The following SGCD variants were observed in gnomAD, a reference collection of about 807,000 sequenced individuals.
The protein encoded by SGCD is delta-sarcoglycan.
In SGCD, 18 loss-of-function variants were observed where a neutral mutation model predicts 36.6. The ratio of observed to expected loss-of-function variants is 0.49; its 90% CI spans 0.34 to 0.73. The LOEUF is 0.73. Ranked by LOEUF, SGCD falls within the 30% of genes least tolerant of loss-of-function variation. The pLI is 0.01. For synonymous variants in SGCD, 133 were observed against 130.6 expected (o/e 1.02, Z -0.12); for missense variants, 387 against 346.7 (o/e 1.12, Z -0.92).
intron 1 of SGCD, among the ~76,000 whole-genome samples, chr5:155,909,469 G>T (rs4547913): frequency 0.33 from 49,686 of 151,922 alleles, 8,717 homozygotes; most frequent in Admixed American, 0.48. Context: ...GAGAGCATGC[G>T]CGGGTTATTG....
intron 3 of SGCD, among the ~76,000 whole-genome samples, chr5:156,401,242 A>T (rs1021860027): frequency 6.6e-6 from 1 of 152,212 alleles, no homozygotes; most frequent in African/African-American, 2.4e-5. Context: ...AAAGCAAAGA[A>T]TATGTATTTT....
intron 7 of SGCD, among the ~76,000 whole-genome samples, chr5:156,651,651 T>C (rs1763466699): frequency 6.6e-6 from 1 of 152,162 alleles, no homozygotes; most frequent in Non-Finnish European, 1.5e-5. Flanking sequence ...GTTCCATTGG[T>C]CTACATGTCT....
intron 1 of SGCD, among the ~76,000 whole-genome samples, chr5:156,094,381 C>T (rs535561384): frequency 1.1e-4 from 17 of 152,264 alleles, no homozygotes; most frequent in Non-Finnish European, 2.1e-4. Flanking sequence ...AATTTTCGTT[C>T]GGTCTTTCTG....
intron 3 of SGCD, among the ~76,000 whole-genome samples, chr5:156,372,609 A>G (rs1347734997): frequency 6.6e-6 from 1 of 152,164 alleles, no homozygotes; most frequent in Non-Finnish European, 1.5e-5. Context: ...ATCTTCCTCC[A>G]TCAACCAAAA....
chr5:156,276,930 G>A (rs10061360), intron 3 of SGCD, among the ~76,000 whole-genome samples: 8,716 of 152,048 alleles, frequency 0.057, 762 homozygotes, highest in African/African-American at 0.18. Flanking sequence ...ACCACAAAAT[G>A]ATGAGCATCC....
At position 156,763,336 on chromosome 5, in the gene SGCD, G is replaced by A. The variant is rs186504263; in HGVS notation, c.*3946G>A. 2.0e-5 allele frequency: 3 copies of A among 152,660 alleles called. No homozygotes were observed. Among genetic ancestry groups the A allele is most frequent in the East Asian group, 1.9e-4 (1 of 5,178 alleles). 9.5% of individuals were successfully genotyped at this position (152,660 alleles called of 1,614,324 possible). On this transcript the variant is annotated 3_prime_UTR_variant, in exon 9 of 9. Coordinates refer to ENST00000337851, the MANE Select transcript of SGCD (RefSeq NM_000337.6). ...AACATGTCTGTTTAGCCCACATCAC[G>A]TCAGTTATCAACACCGCCACTGTGC...
intron 3 of SGCD, among the ~76,000 whole-genome samples, chr5:156,285,892 A>G (rs959761834): frequency 5.3e-5 from 8 of 152,218 alleles, no homozygotes; most frequent in African/African-American, 1.9e-4. Flanking sequence ...CAGGCAACCT[A>G]CAAAATGGGA....
intron 1 of SGCD, among the ~76,000 whole-genome samples, chr5:155,958,390 A>G (rs908393301): frequency 5.9e-5 from 9 of 152,100 alleles, no homozygotes; most frequent in Non-Finnish European, 1.0e-4. Flanking sequence ...GAAATGCCCA[A>G]GGTTCCTCAG....
intron 1 of SGCD, among the ~76,000 whole-genome samples, chr5:156,061,474 T>G (rs940357316): frequency 2.7e-5 from 4 of 146,284 alleles, no homozygotes; most frequent in Non-Finnish European, 4.6e-5. Flanking sequence ...ACTGGTATCC[T>G]GAAAACCAGG....
chr5:156,642,937 T>C (rs764560441), intron 6 of SGCD, among the ~76,000 whole-genome samples: 2 of 152,160 alleles, frequency 1.3e-5, no homozygotes, highest in African/African-American at 2.4e-5. Context: ...TCAAGTTTTA[T>C]ACTTTCAAAG....
At chr5:156,223,596 T>A (rs1326879510) in intron 3 of SGCD, among the ~76,000 whole-genome samples, 3 of 152,032 alleles carry the variant, frequency 2.0e-5, no homozygotes, top group Non-Finnish European at 4.4e-5. Context: ...GTGAGGTAGG[T>A]CCATGGGAAA....
chr5:156,025,255 C>G (rs1759201960), intron 1 of SGCD, among the ~76,000 whole-genome samples: 1 of 152,168 alleles, frequency 6.6e-6, no homozygotes, highest in Admixed American at 6.5e-5. Context: ...GGAGGTCACA[C>G]AGAAGCTTTC....
intron 7 of SGCD, among the ~76,000 whole-genome samples, chr5:156,651,783 G>A (rs1028984220): frequency 1.3e-5 from 2 of 151,678 alleles, no homozygotes; most frequent in Admixed American, 1.3e-4. Flanking sequence ...CTCTTTTTTG[G>A]TTCCATATGA....
intron 1 of SGCD, among the ~76,000 whole-genome samples, chr5:155,983,182 G>C (rs189095547): frequency 6.6e-6 from 1 of 152,164 alleles, no homozygotes; most frequent in East Asian, 1.9e-4. Flanking sequence ...TGTATAACAG[G>C]CACTGTAGAA....
chr5:156,583,962 A>G (rs1760387640), intron 4 of SGCD, among the ~76,000 whole-genome samples: 1 of 152,244 alleles, frequency 6.6e-6, no homozygotes, highest in Non-Finnish European at 1.5e-5. Flanking sequence ...TATGAAAAGT[A>G]AAACTCAAAT....
At chr5:155,831,053 G>A in the SGCD span, among the ~76,000 whole-genome samples, 1 of 152,138 alleles carries the variant, frequency 6.6e-6, no homozygotes, top group Non-Finnish European at 1.5e-5. Context: ...AAGCCTATAA[G>A]GTTGTGCAGA....
chr5:156,761,137 A>G lies in SGCD; in HGVS notation c.*1747A>G, dbSNP rs1430246476. On this transcript the variant is annotated 3_prime_UTR_variant, in exon 9 of 9. Coordinates refer to ENST00000337851, the MANE Select transcript of SGCD (RefSeq NM_000337.6). Reference sequence around the variant, plus strand: ...AGGGAAGTTTTGTGATAGGAGAGAAATAAAAGATTTGATATTTTTTGAGAT... The same window carrying G: ...AGGGAAGTTTTGTGATAGGAGAGAAGTAAAAGATTTGATATTTTTTGAGAT... 2 of 152,224 alleles carry G rather than the reference A, an allele frequency of 1.3e-5. No individual in the cohort carries two copies. Among genetic ancestry groups the G allele is most frequent in the African/African-American group, 2.4e-5 (1 of 41,454 alleles). The allele number at this position is 152,224 out of a possible 1,614,324, so 9.4% of individuals were successfully genotyped here.
chr5:155,912,531 C>T (rs975456322), intron 1 of SGCD, among the ~76,000 whole-genome samples: 7 of 152,138 alleles, frequency 4.6e-5, no homozygotes, highest in Non-Finnish European at 7.3e-5. Flanking sequence ...CAGTCTGCTC[C>T]GTGTGCGGCA....
chr5:156,726,442 A>G (rs573723172), intron 7 of SGCD, among the ~76,000 whole-genome samples: 3 of 152,302 alleles, frequency 2.0e-5, no homozygotes, highest in Admixed American at 6.5e-5. Context: ...ACACTCTGCA[A>G]TCTTCTCTAT....
Sources: allele counts gnomAD v4.1 joint callset (sites outside exome capture counted in the v4.1 genomes callset), GRCh38; gene constraint gnomAD v4.1.1; transcripts MANE v1.5; gene names NCBI Gene and HGNC (gene_info 2026-07-23, HGNC 2026-07-21).